Variants in C8orf88 observed in about 807,000 individuals in gnomAD.
The protein encoded by C8orf88 is uncharacterized protein C8orf88.
A neutral mutation model predicts 18.4 loss-of-function variants in C8orf88; 14 were observed. That is an observed-to-expected ratio of 0.76 (90% CI 0.50 to 1.19). C8orf88 has a LOEUF of 1.19. Ranked by LOEUF, C8orf88 falls within the 50% of genes most tolerant of loss-of-function variation. The probability of loss-of-function intolerance (pLI) is 0.00; values close to 1 mark genes in which losing one functional copy is unlikely to be tolerated. For missense variants in C8orf88, 116 were observed against 134.7 expected, an observed-to-expected ratio of 0.86 and a Z score of 0.69; for synonymous variants, 45 against 42.9, an observed-to-expected ratio of 1.05 and a Z score of -0.19.
intron 1 of C8orf88, 68 bp from the exon 2 acceptor site, chr8:90,980,529 A>G (rs1811417882): frequency 1.7e-6 from 1 of 597,806 alleles, no homozygotes; most frequent in Admixed American, 3.7e-5. Context: ...ATGTATACAA[A>G]TAACTACATC....
At chr8:90,964,578 C>T (rs1349483649) in intron 4 of C8orf88, among the ~76,000 whole-genome samples, 1 of 151,612 alleles carries the variant, frequency 6.6e-6, no homozygotes, top group Non-Finnish European at 1.5e-5. Flanking sequence ...AAATAAAGAA[C>T]ACCAGTAAAT....
intron 1 of C8orf88, among the ~76,000 whole-genome samples, chr8:90,980,997 G>C (rs1489734957): frequency 6.6e-6 from 1 of 152,016 alleles, no homozygotes; most frequent in Non-Finnish European, 1.5e-5. Flanking sequence ...ATTTGGCTTT[G>C]GTCTTCTTAG....
Position 90,960,781 on chromosome 8 carries a change from T to C in C8orf88, c.291A>G (p.Pro97=). The change falls in exon 5 of 6, where the codon CCA becomes CCG. Residue 97 remains proline, a synonymous_variant. Transcript: ENST00000517562. ...CAATGGGATGATCAGGCAGAAAGTC[T>C]GGTTTTTTTCTGCAGATGGAAACAC... is the stretch of plus-strand genomic sequence containing the variant. ...LSSVSICRKK[P]DFLPDHPIVL... 3.3e-6 allele frequency: 5 copies of C among 1,531,482 alleles called. No homozygotes were observed. The highest frequency in any genetic ancestry group is 4.4e-6 in the Non-Finnish European group (5 of 1,143,628). The allele number at this position is 1,531,482 out of a possible 1,614,324, so 94.9% of individuals were successfully genotyped here. A position where few individuals can be genotyped will look rare whatever the true frequency, so the allele number is the denominator to read the frequency against.
In C8orf88 at chr8:90,960,800, G is replaced by T. The variant is rs1811115498; in HGVS notation, c.272C>A (p.Ser91Tyr). The change falls in exon 5 of 6, where the codon TCC (serine) becomes TAC (tyrosine). Residue 91 changes from serine to tyrosine, a missense_variant. Transcript: ENST00000517562. ...AAAGTCTGGTTTTTTTCTGCAGATG[G>T]AAACACTTGAGAGCTTCAACAGGAA... ...RDFLLKLSSV[S>Y]ICRKKPDFLP... 1.3e-6 allele frequency: 2 copies of T among 1,531,478 alleles called. No homozygotes were observed. Among genetic ancestry groups the T allele is most frequent in the Non-Finnish European group, 1.7e-6 (2 of 1,143,606 alleles). The allele number at this position is 1,531,478 out of a possible 1,614,324, so 94.9% of individuals were successfully genotyped here.
At chr8:90,975,154 CA>C (rs1417512715) in intron 3 of C8orf88, among the ~76,000 whole-genome samples, 1 of 151,962 alleles carries the variant, frequency 6.6e-6, no homozygotes, top group Non-Finnish European at 1.5e-5. Flanking sequence ...ATCAAAATGC[CA>C]ATAGACTTTT....
In C8orf88 at chr8:90,985,182, C is replaced by A. The variant is rs1214903116; in HGVS notation, c.-95G>T. The A allele has an allele frequency of 1.3e-5, 2 of 151,418 alleles. No individual in the cohort carries two copies. Among genetic ancestry groups the A allele is most frequent in the African/African-American group, 4.8e-5 (2 of 41,332 alleles). 9.4% of individuals were successfully genotyped at this position (151,418 alleles called of 1,614,324 possible). ...GCTCAGCCCACACGCGGAGGCCGAG[C>A]GCCCTGCTGCCCGTCGGGGAACGGC... On this transcript the variant is annotated 5_prime_UTR_variant, in exon 1 of 6. Transcript: ENST00000517562.
At chr8:90,964,938 C>T (rs1216936294) in intron 4 of C8orf88, among the ~76,000 whole-genome samples, 2 of 151,018 alleles carry the variant, frequency 1.3e-5, no homozygotes, top group Non-Finnish European at 3.0e-5. Context: ...ATCTATTAAA[C>T]ACAAAAATAT....
At chr8:90,979,209 C>T (rs927260547) in intron 2 of C8orf88, among the ~76,000 whole-genome samples, 1 of 152,174 alleles carries the variant, frequency 6.6e-6, no homozygotes, top group Non-Finnish European at 1.5e-5. Flanking sequence ...ACCTGCCCAC[C>T]TTGCATCCCC....
intron 2 of C8orf88, among the ~76,000 whole-genome samples, chr8:90,979,718 G>A (rs1301804144): frequency 6.6e-6 from 1 of 152,162 alleles, no homozygotes. Flanking sequence ...AGTAGACACA[G>A]AAGCCATTCT....
intron 4 of C8orf88, among the ~76,000 whole-genome samples, chr8:90,966,366 G>A (rs1356410690): frequency 4.5e-5 from 5 of 109,968 alleles, no homozygotes; most frequent in African/African-American, 1.7e-4. Flanking sequence ...GGTGGGGGGA[G>A]GGGGGAGGGA....
At chr8:90,960,678 G>A in intron 5 of C8orf88, 64 bp downstream of exon 5, 1 of 937,026 alleles carries the variant, frequency 1.1e-6, no homozygotes, top group African/African-American at 1.7e-5. Flanking sequence ...AGAGTCTGAT[G>A]AAAATGTTAA....
chr8:90,980,371 G>A lies in C8orf88; in HGVS notation c.65C>T (p.Ser22Phe). The A allele has an allele frequency of 6.5e-7, 1 of 1,528,368 alleles. No individual in the cohort carries two copies. The highest frequency in any genetic ancestry group is 2.0e-5 in the Admixed American group (1 of 49,396). 94.7% of individuals were successfully genotyped at this position (1,528,368 alleles called of 1,614,324 possible). A position where few individuals can be genotyped will look rare whatever the true frequency, so the allele number is the denominator to read the frequency against. The change falls in exon 2 of 6, where the codon TCT becomes TTT. Residue 22 changes from serine (S) to phenylalanine (F), a missense_variant. Transcript: ENST00000517562. ...QPARPVRHLT[S>F]PPGAVFPFNF... ...TACAATCTATTACTCACCTGGGGGA[G>A]AAGTCAGATGACGAACAGGTCTTGC...
At chr8:90,975,804 C>T (rs1811339526) in intron 3 of C8orf88, among the ~76,000 whole-genome samples, 2 of 151,558 alleles carry the variant, frequency 1.3e-5, no homozygotes, top group African/African-American at 2.4e-5. Flanking sequence ...TATTTCCACA[C>T]AAAGATTTGT....
Position 90,975,028 on chromosome 8 carries a change from T to C in C8orf88, c.147+3551A>G, listed in dbSNP as rs150255871. Among the ~76,000 whole-genome samples, 28 of 152,268 alleles carry C rather than the reference T, an allele frequency of 1.8e-4. No individual in the cohort carries two copies. The East Asian group carries it at 3.7e-3, about 20-fold the overall frequency. On this transcript the variant is annotated intron_variant, in intron 3 of 5. Coordinates refer to ENST00000517562, the MANE Select transcript of C8orf88 (RefSeq NM_001190972.2). ...AGTATCGAAATATCTGAAACACTTA[T>C]AAATTTTATAAATGATGTTCAAAAG... is the stretch of plus-strand genomic sequence containing the variant.
intron 3 of C8orf88, 70 bp downstream of exon 3, chr8:90,978,509 C>A: frequency 2.2e-6 from 2 of 899,156 alleles, no homozygotes; most frequent in Non-Finnish European, 3.3e-6. Context: ...ATCTGGCACA[C>A]AATAGCCATC....
intron 3 of C8orf88, among the ~76,000 whole-genome samples, chr8:90,974,641 G>A (rs1224840956): frequency 6.6e-6 from 1 of 152,152 alleles, no homozygotes; most frequent in African/African-American, 2.4e-5. Context: ...TGAAAAACAG[G>A]TTAAAGGAAG....
intron 4 of C8orf88, among the ~76,000 whole-genome samples, chr8:90,966,793 T>A (rs1811205967): frequency 6.6e-6 from 1 of 151,902 alleles, no homozygotes; most frequent in South Asian, 2.1e-4. Flanking sequence ...TATATCCTAA[T>A]AAACCCATTA....
intron 4 of C8orf88, among the ~76,000 whole-genome samples, chr8:90,969,739 T>C (rs1811257526): frequency 6.6e-6 from 1 of 151,936 alleles, no homozygotes; most frequent in Non-Finnish European, 1.5e-5. Flanking sequence ...ATTGTGAATG[T>C]ACTAAAAGCC....
At chr8:90,969,122 C>T (rs903122245) in intron 4 of C8orf88, among the ~76,000 whole-genome samples, 1 of 151,700 alleles carries the variant, frequency 6.6e-6, no homozygotes, top group Non-Finnish European at 1.5e-5. Flanking sequence ...TAGGTATATG[C>T]CTGAGAGAAA....
Sources: gnomAD v4.1 joint callset for allele counts (sites outside exome capture counted in the v4.1 genomes callset) on GRCh38, gnomAD v4.1.1 for gene constraint, MANE v1.5 for transcripts, NCBI Gene and HGNC (gene_info 2026-07-23, HGNC 2026-07-21) for gene names.